KCNIP4: variants seen among roughly 807,000 people sequenced by gnomAD.
KCNIP4 encodes potassium voltage-gated channel interacting protein 4.
KCNIP4 carries 12 observed loss-of-function variants against 34.0 expected under a neutral mutation model. That is an observed-to-expected ratio of 0.35 (90% CI 0.23 to 0.57). The LOEUF (loss-of-function observed/expected upper bound fraction) is 0.57. KCNIP4 is among the 20% of genes least tolerant of loss of function. The probability of loss-of-function intolerance (pLI) is 0.83; values close to 1 mark genes in which losing one functional copy is unlikely to be tolerated. For synonymous variants in KCNIP4, 124 were observed against 102.2 expected (o/e 1.21, Z -1.29); for missense variants, 238 against 311.7 (o/e 0.76, Z 1.78).
chr4:21,015,966 C>T lies in KCNIP4; in HGVS notation c.62-133257G>A, dbSNP rs527611748. 2.2e-3 allele frequency among the ~76,000 whole-genome samples: 317 copies of T among 142,920 alleles called. 6 individuals are homozygous for T. In the South Asian group the frequency reaches 0.054, roughly 24 times the overall value. 93.8% of individuals were successfully genotyped at this position (142,920 alleles called of 152,430 possible). A position where few individuals can be genotyped will look rare whatever the true frequency, so the allele number is the denominator to read the frequency against. On this transcript the variant is annotated intron_variant, in intron 1 of 8. Transcript: ENST00000382152. ...TATATTAAAAAAGAGAGAAAGCTTA[C>T]GGCATGTCAGGTACTATGCTTAAAA...
At chr4:21,212,277 C>T (rs1229196115) in intron 1 of KCNIP4, among the ~76,000 whole-genome samples, 1 of 152,190 alleles carries the variant, frequency 6.6e-6, no homozygotes, top group Non-Finnish European at 1.5e-5. Context: ...TCTAAGTTGT[C>T]TTAATCCATT....
intron 1 of KCNIP4, among the ~76,000 whole-genome samples, chr4:20,889,064 T>G (rs1291415044): frequency 6.6e-6 from 1 of 152,166 alleles, no homozygotes; most frequent in African/African-American, 2.4e-5. Flanking sequence ...TCCTTTAAAT[T>G]GCTGTGAATT....
chr4:21,197,878 G>C (rs997280324), intron 1 of KCNIP4, among the ~76,000 whole-genome samples: 1 of 152,078 alleles, frequency 6.6e-6, no homozygotes, highest in Non-Finnish European at 1.5e-5. Flanking sequence ...ATCATCCCAA[G>C]GGCACAAGTA....
chr4:21,466,390 A>C (rs2109790746), intron 1 of KCNIP4, among the ~76,000 whole-genome samples: 1 of 152,334 alleles, frequency 6.6e-6, no homozygotes, highest in Non-Finnish European at 1.5e-5. Context: ...ACTGATCATT[A>C]ACTTCATTCT....
chr4:20,744,233 AT>A (rs1425934500), intron 5 of KCNIP4, among the ~76,000 whole-genome samples: 2 of 152,194 alleles, frequency 1.3e-5, no homozygotes, highest in African/African-American at 4.8e-5. Context: ...TAGAAATACC[AT>A]TTGACCCAGC....
rs570094226 is a variant in KCNIP4, at chr4:21,405,137, G to T, written c.62-522428C>A. ...CCTGCCTTCAGCAAGACACTTGTTA[G>T]GTTGGTTTGGCCAGAATCCCGTCTC... On this transcript the variant is annotated intron_variant, in intron 1 of 8. Coordinates refer to ENST00000382152, the MANE Select transcript of KCNIP4 (RefSeq NM_025221.6). Among the ~76,000 whole-genome samples, 15 of 152,242 alleles carry T rather than the reference G, an allele frequency of 9.9e-5. No individual in the cohort carries two copies. In the Middle Eastern group the frequency reaches 0.01, roughly 104 times the overall value.
At chr4:20,893,674 T>C (rs1726195834) in intron 1 of KCNIP4, among the ~76,000 whole-genome samples, 1 of 150,772 alleles carries the variant, frequency 6.6e-6, no homozygotes, top group Admixed American at 6.7e-5. Flanking sequence ...TCCTCCCCAC[T>C]CAGCTTCCCA....
chr4:21,500,006 AAGT>A (rs1409938345), intron 1 of KCNIP4, among the ~76,000 whole-genome samples: 1 of 152,180 alleles, frequency 6.6e-6, no homozygotes, highest in African/African-American at 2.4e-5. Context: ...AAAAATCTGC[AAGT>A]AGAATTTACA....
intron 1 of KCNIP4, among the ~76,000 whole-genome samples, chr4:21,632,401 T>A (rs1218255130): frequency 1.0e-4 from 1 of 9,734 alleles, no homozygotes; most frequent in Admixed American, 1.5e-3. Flanking sequence ...TTTCACTTGT[T>A]TTTTTTGTTT....
At chr4:20,977,530 A>T (rs2149686091) in intron 1 of KCNIP4, among the ~76,000 whole-genome samples, 1 of 152,268 alleles carries the variant, frequency 6.6e-6, no homozygotes, top group Middle Eastern at 3.4e-3. Context: ...ACTTAAAATT[A>T]TAGCTCTCCT....
At chr4:21,835,581 T>TAA (rs1723269288) in intron 1 of KCNIP4, among the ~76,000 whole-genome samples, 2 of 60,316 alleles carry the variant, frequency 3.3e-5, no homozygotes, top group Non-Finnish European at 6.1e-5. Context: ...TTTCTTACGT[T>TAA]TTTTTTTGTT....
intron 1 of KCNIP4, among the ~76,000 whole-genome samples, chr4:21,752,595 A>G (rs1345383686): frequency 6.6e-6 from 1 of 152,206 alleles, no homozygotes; most frequent in Non-Finnish European, 1.5e-5. Context: ...AAGAAAAAAA[A>G]GGGAGGGATG....
intron 2 of KCNIP4, among the ~76,000 whole-genome samples, chr4:20,855,013 G>A (rs1721426565): frequency 6.6e-6 from 1 of 152,128 alleles, no homozygotes; most frequent in South Asian, 2.1e-4. Context: ...AATTATATAG[G>A]TTTGCGAAGA....
At chr4:21,612,258 G>T (rs540223063) in intron 1 of KCNIP4, among the ~76,000 whole-genome samples, 1 of 152,264 alleles carries the variant, frequency 6.6e-6, no homozygotes, top group Non-Finnish European at 1.5e-5. Flanking sequence ...ATGGAGCTGG[G>T]TTGCATTCCA....
intron 1 of KCNIP4, among the ~76,000 whole-genome samples, chr4:21,359,990 A>G (rs1390730217): frequency 6.6e-6 from 1 of 152,156 alleles, no homozygotes; most frequent in East Asian, 1.9e-4. Context: ...TGCAAGAACA[A>G]GAATTTGCAA....
chr4:20,962,108 T>C (rs971349121), intron 1 of KCNIP4, among the ~76,000 whole-genome samples: 1 of 152,174 alleles, frequency 6.6e-6, no homozygotes, highest in African/African-American at 2.4e-5. Flanking sequence ...CTGTGCTCAA[T>C]TTCTTTCCTG....
At chr4:21,731,658 T>G (rs1715611693) in intron 1 of KCNIP4, among the ~76,000 whole-genome samples, 1 of 152,148 alleles carries the variant, frequency 6.6e-6, no homozygotes, top group Admixed American at 6.6e-5. Context: ...CAAAACCCAA[T>G]CAAAGTTTGC....
chr4:21,942,599 A>C (rs937258130), intron 1 of KCNIP4, among the ~76,000 whole-genome samples: 1 of 152,362 alleles, frequency 6.6e-6, no homozygotes, highest in Non-Finnish European at 1.5e-5. Context: ...AACTCAGTCC[A>C]CTGAATGGAA....
chr4:21,801,990 G>T (rs1303187140), intron 1 of KCNIP4, among the ~76,000 whole-genome samples: 1 of 151,844 alleles, frequency 6.6e-6, no homozygotes, highest in Admixed American at 6.6e-5. Flanking sequence ...TTTAGGTGGG[G>T]TGCATAGGGT....
Sources: allele counts gnomAD v4.1 joint callset (sites outside exome capture counted in the v4.1 genomes callset), GRCh38; gene constraint gnomAD v4.1.1; transcripts MANE v1.5; gene names NCBI Gene and HGNC (gene_info 2026-07-23, HGNC 2026-07-21).